PTN: variants seen among roughly 807,000 people sequenced by gnomAD.
PTN encodes the protein heparin affin regulatory protein.
Under a neutral mutation model 24.1 loss-of-function variants are expected in PTN, and 18 were observed. That is an observed-to-expected ratio of 0.75 (90% CI 0.52 to 1.11). PTN has a LOEUF of 1.11. PTN is among the 50% of genes least tolerant of loss of function. PTN has a pLI of 0.00. For missense variants in PTN, 163 were observed against 198.8 expected (o/e 0.82, Z 1.08); for synonymous variants, 78 against 68.6 (o/e 1.14, Z -0.67).
intron 1 of PTN, among the ~76,000 whole-genome samples, chr7:137,269,481 A>G (rs983653297): frequency 1.3e-5 from 2 of 152,112 alleles, no homozygotes; most frequent in South Asian, 4.2e-4. Context: ...TCAAATACCA[A>G]TAGCATGCAA....
At chr7:137,297,893 G>GC (rs1482221055) in intron 1 of PTN, among the ~76,000 whole-genome samples, 1 of 90,084 alleles carries the variant, frequency 1.1e-5, no homozygotes, top group Non-Finnish European at 2.8e-5. Flanking sequence ...GGGGCTAGAA[G>GC]CTTTCCAAAG....
chr7:137,245,309 C>A (rs1205200961), intron 4 of PTN, among the ~76,000 whole-genome samples: 1 of 152,126 alleles, frequency 6.6e-6, no homozygotes, highest in East Asian at 1.9e-4. Flanking sequence ...AGTTACGCAC[C>A]ACATAGCAAT....
At chr7:137,282,442 G>A (rs1809488212) in intron 1 of PTN, among the ~76,000 whole-genome samples, 1 of 152,096 alleles carries the variant, frequency 6.6e-6, no homozygotes, top group African/African-American at 2.4e-5. Flanking sequence ...TTCTGAACTA[G>A]AAAATGAGGA....
At chr7:137,246,046 T>C (rs969066190) in intron 4 of PTN, among the ~76,000 whole-genome samples, 2 of 152,170 alleles carry the variant, frequency 1.3e-5, no homozygotes, top group Non-Finnish European at 2.9e-5. Context: ...TGTACTGTGT[T>C]TATAGAGTCT....
intron 4 of PTN, among the ~76,000 whole-genome samples, chr7:137,230,802 C>T (rs567253178): frequency 3.4e-4 from 52 of 151,814 alleles, no homozygotes; most frequent in Non-Finnish European, 6.9e-4. Context: ...GTCCAACGCC[C>T]TTACGTAATA....
intron 1 of PTN, among the ~76,000 whole-genome samples, chr7:137,275,706 T>C (rs1290387979): frequency 4.6e-5 from 7 of 152,142 alleles, no homozygotes; most frequent in Non-Finnish European, 1.5e-5. Flanking sequence ...GACTCTCTAG[T>C]ATTGGCAAGT....
chr7:137,273,317 T>G (rs1467505437), intron 1 of PTN, among the ~76,000 whole-genome samples: 2 of 152,204 alleles, frequency 1.3e-5, no homozygotes, highest in African/African-American at 2.4e-5. Context: ...GGGCTTTACT[T>G]TTTCCTTAGC....
intron 1 of PTN, among the ~76,000 whole-genome samples, chr7:137,299,816 T>C (rs1809777530): frequency 6.6e-6 from 1 of 151,914 alleles, no homozygotes; most frequent in Non-Finnish European, 1.5e-5. Flanking sequence ...AAGATCTGAC[T>C]CTTTTGCCAG....
At chr7:137,258,213 A>G (rs1808969841) in intron 1 of PTN, among the ~76,000 whole-genome samples, 3 of 152,334 alleles carry the variant, frequency 2.0e-5, no homozygotes, top group South Asian at 4.1e-4. Context: ...ACAAGTCATT[A>G]TAACTGAAAT....
intron 1 of PTN, among the ~76,000 whole-genome samples, chr7:137,307,037 A>G (rs1809900589): frequency 6.6e-6 from 1 of 152,094 alleles, no homozygotes; most frequent in African/African-American, 2.4e-5. Flanking sequence ...TTTTCCATAC[A>G]TGCCAGAAGC....
chr7:137,253,246 G>A (rs896120222), intron 3 of PTN, among the ~76,000 whole-genome samples: 23 of 152,122 alleles, frequency 1.5e-4, no homozygotes, highest in Non-Finnish European at 2.8e-4. Flanking sequence ...GGAAACTAGC[G>A]AGTAGAAGCC....
chr7:137,230,424 C>A (rs1808407556), intron 4 of PTN, among the ~76,000 whole-genome samples: 1 of 151,790 alleles, frequency 6.6e-6, no homozygotes, highest in African/African-American at 2.4e-5. Context: ...GGCAAGTAAT[C>A]ATGGTACTGT....
At chr7:137,280,635 C>G (rs1809451925) in intron 1 of PTN, among the ~76,000 whole-genome samples, 1 of 142,680 alleles carries the variant, frequency 7.0e-6, no homozygotes, top group Non-Finnish European at 1.5e-5. Context: ...AGGTGGATCA[C>G]TTGAGGCCAG....
At chr7:137,254,158 C>T (rs1218398651) in intron 2 of PTN, among the ~76,000 whole-genome samples, 4 of 151,868 alleles carry the variant, frequency 2.6e-5, no homozygotes, top group Non-Finnish European at 2.9e-5. Context: ...ATTAGCTGGG[C>T]GTGGTGGTGC....
chr7:137,305,711 A>G (rs775696134), intron 1 of PTN, among the ~76,000 whole-genome samples: 4 of 152,124 alleles, frequency 2.6e-5, no homozygotes, highest in Middle Eastern at 3.2e-3. Flanking sequence ...TACCATTGGA[A>G]AAAGATAAAG....
intron 1 of PTN, among the ~76,000 whole-genome samples, chr7:137,257,558 A>G (rs550496507): frequency 6.2e-4 from 94 of 152,318 alleles, no homozygotes; most frequent in Middle Eastern, 3.4e-3. Flanking sequence ...TGTAAAGTAA[A>G]CCAAAGTGGA....
intron 1 of PTN, among the ~76,000 whole-genome samples, chr7:137,302,312 T>C (rs577447515): frequency 6.6e-6 from 1 of 152,018 alleles, no homozygotes; most frequent in African/African-American, 2.4e-5. Context: ...TACCATGTCC[T>C]CTAAGTTCTA....
chr7:137,332,794 G>A (rs1810380592), intron 1 of PTN, among the ~76,000 whole-genome samples: 1 of 152,070 alleles, frequency 6.6e-6, no homozygotes, highest in Non-Finnish European at 1.5e-5. Flanking sequence ...ACAATCTGAT[G>A]TTCATAAGCT....
intron 4 of PTN, among the ~76,000 whole-genome samples, chr7:137,245,348 A>T (rs1243916974): frequency 6.6e-6 from 1 of 152,202 alleles, no homozygotes; most frequent in East Asian, 1.9e-4. Context: ...CCACATATAG[A>T]ACTGTGTTCC....
Sources: allele counts gnomAD v4.1 joint callset (sites outside exome capture counted in the v4.1 genomes callset), GRCh38; gene constraint gnomAD v4.1.1; transcripts MANE v1.5; gene names NCBI Gene and HGNC (gene_info 2026-07-23, HGNC 2026-07-21).